GRIP1: variants seen among roughly 807,000 people sequenced by gnomAD.
The protein encoded by GRIP1 is glutamate receptor interacting protein 1, also known as glutamate receptor-interacting protein 1.
A neutral mutation model predicts 129.9 loss-of-function variants in GRIP1; 45 were observed. That is an observed-to-expected ratio of 0.35 (90% CI 0.27 to 0.44). The LOEUF (loss-of-function observed/expected upper bound fraction) is 0.44. GRIP1 is among the 20% of genes least tolerant of loss of function. The pLI, the probability that GRIP1 is intolerant of heterozygous loss-of-function variation, is 1.00. For synonymous variants in GRIP1, 530 were observed against 520.8 expected (o/e 1.02, Z -0.24); for missense variants, 1,196 against 1,396.8 (o/e 0.86, Z 2.29).
intron 16 of GRIP1, among the ~76,000 whole-genome samples, chr12:66,401,689 T>G (rs2057009022): frequency 6.6e-6 from 1 of 150,564 alleles, no homozygotes; most frequent in Non-Finnish European, 1.5e-5. Flanking sequence ...AAAACAGCCA[T>G]GTAAAGTAAG....
chr12:66,445,236 A>G, intron 12 of GRIP1, 86 bp downstream of exon 12: 2 of 1,035,412 alleles, frequency 1.9e-6, no homozygotes, highest in South Asian at 2.5e-5. Context: ...GCATTGAGCA[A>G]TGTTTCATAA....
chr12:66,827,519 CT>C (rs2039440837), intron 1 of GRIP1, among the ~76,000 whole-genome samples: 1 of 152,010 alleles, frequency 6.6e-6, no homozygotes, highest in Non-Finnish European at 1.5e-5. Flanking sequence ...ATCCTCTCAC[CT>C]TTGCCCTGTT....
intron 1 of GRIP1, among the ~76,000 whole-genome samples, chr12:66,616,102 C>T (rs899473747): frequency 2.0e-5 from 3 of 152,084 alleles, no homozygotes; most frequent in Non-Finnish European, 4.4e-5. Flanking sequence ...AATATCACTT[C>T]CAGAGAATCT....
At chr12:66,985,083 C>T (rs907026741) in intron 1 of GRIP1, among the ~76,000 whole-genome samples, 3 of 152,236 alleles carry the variant, frequency 2.0e-5, no homozygotes, top group East Asian at 1.9e-4. Context: ...AGCCAGTATA[C>T]GTACAAATTT....
At chr12:66,561,449 A>G (rs142009372) in intron 2 of GRIP1, among the ~76,000 whole-genome samples, 9 of 152,266 alleles carry the variant, frequency 5.9e-5, no homozygotes, top group Non-Finnish European at 1.0e-4. Context: ...CCCCATAAAT[A>G]TATATACTTA....
intron 7 of GRIP1, among the ~76,000 whole-genome samples, chr12:66,466,583 T>C (rs1256260562): frequency 8.8e-6 from 1 of 113,448 alleles, no homozygotes; most frequent in African/African-American, 3.5e-5. Context: ...TTTTGTATTT[T>C]GATAAAATTG....
intron 1 of GRIP1, among the ~76,000 whole-genome samples, chr12:66,819,120 G>T (rs2039275700): frequency 6.6e-6 from 1 of 152,128 alleles, no homozygotes; most frequent in Non-Finnish European, 1.5e-5. Context: ...GAAGCCCTTT[G>T]CCTGGTGACC....
intron 1 of GRIP1, among the ~76,000 whole-genome samples, chr12:66,938,301 G>A (rs1007626601): frequency 3.3e-5 from 5 of 152,060 alleles, no homozygotes; most frequent in South Asian, 2.1e-4. Flanking sequence ...GCTTGAACCC[G>A]GGAGGTGAGG....
intron 1 of GRIP1, among the ~76,000 whole-genome samples, chr12:66,730,844 C>T (rs1447966494): frequency 6.6e-6 from 1 of 152,006 alleles, no homozygotes; most frequent in Non-Finnish European, 1.5e-5. Context: ...TTACCTTTCT[C>T]TCTCTCTTTT....
intron 1 of GRIP1, among the ~76,000 whole-genome samples, chr12:66,607,011 G>C (rs928083427): frequency 7.4e-6 from 1 of 135,996 alleles, no homozygotes; most frequent in East Asian, 1.9e-4. Context: ...GAGAGAGAGA[G>C]AGAAAGAGAG....
At chr12:66,429,280 T>G (rs964975141) in intron 14 of GRIP1, among the ~76,000 whole-genome samples, 1 of 152,136 alleles carries the variant, frequency 6.6e-6, no homozygotes, top group African/African-American at 2.4e-5. Context: ...GGTATAGAGA[T>G]AATGAGAAGA....
chr12:66,547,855 T>C (rs1364607740), intron 2 of GRIP1, among the ~76,000 whole-genome samples: 2 of 152,234 alleles, frequency 1.3e-5, no homozygotes, highest in African/African-American at 2.4e-5. Flanking sequence ...TCCATCCATG[T>C]CAATATCCTG....
intron 1 of GRIP1, among the ~76,000 whole-genome samples, chr12:66,942,222 A>C (rs1464811312): frequency 2.0e-5 from 3 of 152,250 alleles, no homozygotes; most frequent in African/African-American, 7.2e-5. Context: ...CTAGCGGATC[A>C]GGGATGAATT....
At chr12:66,829,621 C>T (rs2039481508) in intron 1 of GRIP1, among the ~76,000 whole-genome samples, 2 of 152,272 alleles carry the variant, frequency 1.3e-5, no homozygotes, top group African/African-American at 4.8e-5. Flanking sequence ...TAAATTTTGT[C>T]TCCATGATGA....
chr12:66,534,644 CTCTT>C (rs1383848816), intron 4 of GRIP1, among the ~76,000 whole-genome samples: 1 of 151,930 alleles, frequency 6.6e-6, no homozygotes, highest in Non-Finnish European at 1.5e-5. Flanking sequence ...GTCTTTCTCC[CTCTT>C]TCTCTCTTCC....
At chr12:66,852,554 G>A (rs2039933144) in intron 1 of GRIP1, among the ~76,000 whole-genome samples, 1 of 150,766 alleles carries the variant, frequency 6.6e-6, no homozygotes. Flanking sequence ...ATATGTATAT[G>A]TATATATGTA....
At chr12:66,716,746 G>A (rs1160469424) in intron 1 of GRIP1, among the ~76,000 whole-genome samples, 1 of 151,988 alleles carries the variant, frequency 6.6e-6, no homozygotes, top group Non-Finnish European at 1.5e-5. Context: ...CACCACAGGT[G>A]GGAGGCACTT....
chr12:66,724,567 T>C (rs969173713), intron 1 of GRIP1, among the ~76,000 whole-genome samples: 5 of 152,230 alleles, frequency 3.3e-5, no homozygotes, highest in Non-Finnish European at 7.3e-5. Context: ...TTTGCTTATG[T>C]GATGTCCAAA....
chr12:66,834,177 C>CA (rs60054128), intron 1 of GRIP1, among the ~76,000 whole-genome samples: 36,038 of 95,218 alleles, frequency 0.38, 7,222 homozygotes, highest in South Asian at 0.51. Context: ...GACTTCATCT[C>CA]AAAAAAAAAA....
Sources: gnomAD v4.1 joint callset for allele counts (sites outside exome capture counted in the v4.1 genomes callset) on GRCh38, gnomAD v4.1.1 for gene constraint, MANE v1.5 for transcripts, NCBI Gene and HGNC (gene_info 2026-07-23, HGNC 2026-07-21) for gene names.